SLC7A8: variants seen among roughly 807,000 people sequenced by gnomAD.
SLC7A8 encodes the protein solute carrier family 7 member 8, also known as large neutral amino acids transporter small subunit 2.
Under a neutral mutation model 51.2 loss-of-function variants are expected in SLC7A8, and 30 were observed. The observed-to-expected ratio is 0.59, with a 90% CI of 0.44 to 0.80. The LOEUF (loss-of-function observed/expected upper bound fraction) is 0.80, where lower values mean the gene tolerates loss of function less well. Ranked by LOEUF, SLC7A8 falls within the 30% of genes least tolerant of loss-of-function variation. The pLI, the probability that SLC7A8 is intolerant of heterozygous loss-of-function variation, is 0.00. For missense variants in SLC7A8, 612 were observed against 674.4 expected (o/e 0.91, Z 1.03); for synonymous variants, 257 against 275.8 (o/e 0.93, Z 0.67).
At chr14:23,153,665 G>A (rs915015838) in intron 3 of SLC7A8, among the ~76,000 whole-genome samples, 1 of 151,900 alleles carries the variant, frequency 6.6e-6, no homozygotes, top group East Asian at 1.9e-4. Flanking sequence ...TTTCCCACAG[G>A]GATCTCCACC....
chr14:23,154,633 C>G (rs1473680156), intron 3 of SLC7A8, among the ~76,000 whole-genome samples: 1 of 152,196 alleles, frequency 6.6e-6, no homozygotes, highest in African/African-American at 2.4e-5. Flanking sequence ...GCAAAGAAAA[C>G]ACGGAGGCCT....
chr14:23,135,699 C>T (rs377120072), intron 7 of SLC7A8, among the ~76,000 whole-genome samples: 3 of 115,348 alleles, frequency 2.6e-5, no homozygotes, highest in Non-Finnish European at 5.1e-5. Context: ...GAGACTCTGC[C>T]TTAAAAAAAA....
At chr14:23,182,309 C>G (rs1321670534) in intron 1 of SLC7A8, among the ~76,000 whole-genome samples, 2 of 152,162 alleles carry the variant, frequency 1.3e-5, no homozygotes, top group African/African-American at 4.8e-5. Context: ...TTTTTAATAC[C>G]TATCCCATAG....
At position 23,165,242 on chromosome 14, in the gene SLC7A8, A is replaced by G. The variant is rs55816003; in HGVS notation, c.508+43T>C. 0.083 allele frequency: 125,465 copies of G among 1,518,968 alleles called. 5,738 individuals carry two copies. Among genetic ancestry groups the G allele is most frequent in the Non-Finnish European group, 0.093 (105,291 of 1,136,524 alleles). 94.1% of individuals were successfully genotyped at this position (1,518,968 alleles called of 1,614,324 possible). The stretch of plus-strand genomic sequence containing the variant: ...TCTAAAAATAATAATAATAAATATA[A>G]TAAAAGAGGCTGTCTTGCTACCAAG... On this transcript the variant is annotated intron_variant, in intron 3 of 10. Transcript: ENST00000316902. The surrounding 1 kb of genome is among the most constrained non-coding windows in gnomAD (Gnocchi z 4.2).
In SLC7A8 at chr14:23,166,373, A is replaced by C. The variant is rs1477746475; in HGVS notation, c.319T>G (p.Tyr107Asp). The C allele has an allele frequency of 6.2e-7, 1 of 1,614,128 alleles. No individual in the cohort carries two copies. The highest frequency in any genetic ancestry group is 1.7e-5 in the Admixed American group (1 of 60,022). The stretch of plus-strand genomic sequence containing the variant: ...CCGAAGATGTCCTTGACATAGGAGT[A>C]GTCACCTCCAGATTTGGGGATGGTG... ...GVTIPKSGGD[Y>D]SYVKDIFGGL... is the part of the protein sequence containing the mutation. Residue 107 changes from tyrosine to aspartate, a missense_variant, in exon 2 of 11, where the codon TAC (tyrosine) becomes GAC (aspartate). Tyr to Asp is a radical substitution (Grantham distance 160). Coordinates refer to ENST00000316902, the MANE Select transcript of SLC7A8 (RefSeq NM_012244.4).
At chr14:23,145,546 AT>A (rs34346623) in intron 3 of SLC7A8, among the ~76,000 whole-genome samples, 3,813 of 18,236 alleles carry the variant, frequency 0.21, 147 homozygotes, top group African/African-American at 0.36. Context: ...AGAAAAAAAA[AT>A]TTTTTTTTTT....
intron 3 of SLC7A8, among the ~76,000 whole-genome samples, chr14:23,147,336 G>A (rs1291066838): frequency 6.6e-6 from 1 of 152,212 alleles, no homozygotes; most frequent in Non-Finnish European, 1.5e-5. Context: ...ACAAGTCCCT[G>A]CCTTTAGGAA....
In SLC7A8 at chr14:23,130,900, T is replaced by G. The variant is rs796519539; in HGVS notation, c.1113+561A>C. Among the ~76,000 whole-genome samples the G allele has an allele frequency of 2.3e-4, 35 of 152,366 alleles. 1 individual carries two copies. The highest frequency in any genetic ancestry group is 8.4e-4 in the African/African-American group (35 of 41,590). On this transcript the variant is annotated intron_variant, in intron 8 of 10. Coordinates refer to ENST00000316902, the MANE Select transcript of SLC7A8 (RefSeq NM_012244.4). ...TAGCTCTCTCAAAATGATTCTACTC[T>G]GGGGATATTTTACTCCCATCTCTTT...
chr14:23,147,575 G>A (rs7152605), intron 3 of SLC7A8, among the ~76,000 whole-genome samples: 147,677 of 152,320 alleles, frequency 0.97, 71,727 homozygotes, highest in East Asian at 1. Context: ...GTTCTTGTCC[G>A]TTGTAACCTA....
Position 23,128,252 on chromosome 14 carries a change from C to G in SLC7A8, c.1264-56G>C. 1 of 1,604,276 alleles carries G rather than the reference C, an allele frequency of 6.2e-7. No homozygotes were observed. Among genetic ancestry groups the G allele is most frequent in the South Asian group, 1.1e-5 (1 of 89,666 alleles). ...TGTGTAGGCCACGTGGCCCCCAGGA[C>G]TAGGGACTGGGGCATTCTCTCTCTT... On this transcript the variant is annotated intron_variant, in intron 9 of 10. Transcript: ENST00000316902. This position sits in a 1 kb window ranked among gnomAD's most constrained non-coding sequence, Gnocchi z 4.3.
chr14:23,176,707 C>T (rs1224518355), intron 1 of SLC7A8, among the ~76,000 whole-genome samples: 1 of 152,022 alleles, frequency 6.6e-6, no homozygotes, highest in African/African-American at 2.4e-5. Flanking sequence ...TTTGGGAGGC[C>T]AAGGCGGGCA....
chr14:23,128,741 C>T lies in SLC7A8; in HGVS notation c.1264-545G>A, dbSNP rs1461975782. ...TGTGGGGAGTTCCTGAGAGTATCCT[C>T]TTCAGGGCTCCAGGGGCAGTCCTGA... is the stretch of plus-strand genomic sequence containing the variant. On this transcript the variant is annotated intron_variant, in intron 9 of 10. Transcript: ENST00000316902. The surrounding 1 kb of genome is among the most constrained non-coding windows in gnomAD (Gnocchi z 4.3). Among the ~76,000 whole-genome samples, 2 of 152,224 alleles carry T rather than the reference C, an allele frequency of 1.3e-5. No individual in the cohort carries two copies. Among genetic ancestry groups the T allele is most frequent in the African/African-American group, 2.4e-5 (1 of 41,452 alleles).
intron 1 of SLC7A8, among the ~76,000 whole-genome samples, chr14:23,178,033 A>G (rs921938687): frequency 2.6e-4 from 39 of 152,158 alleles, no homozygotes; most frequent in African/African-American, 8.9e-4. Context: ...CCTAGCTCCA[A>G]TATTTTTTAG....
At chr14:23,155,218 C>T (rs1225014221) in intron 3 of SLC7A8, 9 of 1,535,940 alleles carry the variant, frequency 5.9e-6, no homozygotes, top group Non-Finnish European at 7.8e-6. Flanking sequence ...TGCTCTGAGC[C>T]TTCCGGAAGG....
At chr14:23,154,503 T>C (rs1348071411) in intron 3 of SLC7A8, 1 of 979,942 alleles carries the variant, frequency 1.0e-6, no homozygotes, top group African/African-American at 1.8e-5. Flanking sequence ...CCCCCGCTTG[T>C]GGAAGGAACT....
intron 7 of SLC7A8, among the ~76,000 whole-genome samples, chr14:23,132,661 G>C (rs1463564755): frequency 6.7e-6 from 1 of 148,554 alleles, no homozygotes; most frequent in Non-Finnish European, 1.5e-5. Flanking sequence ...TTGAGACGGA[G>C]TTTCACTCTT....
At chr14:23,132,459 A>G (rs143378301) in intron 7 of SLC7A8, among the ~76,000 whole-genome samples, 154 of 152,190 alleles carry the variant, frequency 1.0e-3, no homozygotes, top group African/African-American at 3.3e-3. Context: ...GCACACACCT[A>G]TATTTCTAGC....
intron 7 of SLC7A8, among the ~76,000 whole-genome samples, chr14:23,132,556 A>C (rs2048646915): frequency 6.6e-6 from 1 of 152,162 alleles, no homozygotes; most frequent in South Asian, 2.1e-4. Flanking sequence ...GCCTCTAAAA[A>C]ACAACAATAA....
chr14:23,181,969 C>T (rs1053494869), intron 1 of SLC7A8, among the ~76,000 whole-genome samples: 3 of 152,192 alleles, frequency 2.0e-5, no homozygotes, highest in Admixed American at 6.5e-5. Context: ...CCCAGGTTCC[C>T]CACCTTCAGC....
Sources: gnomAD v4.1 joint callset for allele counts (sites outside exome capture counted in the v4.1 genomes callset) on GRCh38, gnomAD v4.1.1 for gene constraint, Gnocchi (gnomAD v3.1) non-coding constraint, MANE v1.5 for transcripts, NCBI Gene and HGNC (gene_info 2026-07-23, HGNC 2026-07-21) for gene names.